MAX: variants seen among roughly 807,000 people sequenced by gnomAD.
MAX encodes protein max.
MAX carries 3 observed loss-of-function variants against 22.3 expected under a neutral mutation model. That is an observed-to-expected ratio of 0.13 (90% CI 0.06 to 0.35). MAX has a LOEUF of 0.35. Among genes scored for constraint, MAX ranks in the 10% least tolerant of loss-of-function variants. MAX has a pLI of 1.00. For synonymous variants in MAX, 72 were observed against 77.7 expected, an observed-to-expected ratio of 0.93 and a Z score of 0.39; for missense variants, 119 against 209.4, an observed-to-expected ratio of 0.57 and a Z score of 2.66.
rs140913001 is a variant in MAX, at chr14:65,086,170, T to C, written c.171+7538A>G. Among the ~76,000 whole-genome samples, 6 of 152,328 alleles carry C rather than the reference T, an allele frequency of 3.9e-5. No individual in the cohort carries two copies. The East Asian group carries it at 1.2e-3, about 29-fold the overall frequency. On this transcript the variant is annotated intron_variant, in intron 3 of 4. Transcript: ENST00000358664. The stretch of plus-strand genomic sequence containing the variant: ...TGATTGTGAGGCCTCCCCAGCCATA[T>C]GTAACTGTAAGTCATTAAACCTCTT...
intron 3 of MAX, among the ~76,000 whole-genome samples, chr14:65,065,331 A>T (rs977016125): frequency 6.6e-6 from 1 of 152,196 alleles, no homozygotes; most frequent in African/African-American, 2.4e-5. Flanking sequence ...ATATGAGACA[A>T]TGTGAGTTGG....
intron 3 of MAX, among the ~76,000 whole-genome samples, chr14:65,021,389 G>T (rs2139550440): frequency 6.6e-6 from 1 of 152,262 alleles, no homozygotes; most frequent in East Asian, 1.9e-4. Context: ...TCAAAAGGTT[G>T]TTAGTAGCTT....
At chr14:65,092,193 C>A (rs1435307098) in intron 3 of MAX, among the ~76,000 whole-genome samples, 2 of 152,180 alleles carry the variant, frequency 1.3e-5, no homozygotes, top group Non-Finnish European at 2.9e-5. Flanking sequence ...GCCTAAGAAT[C>A]ATCTGACTGC....
At chr14:65,065,385 T>C (rs772717137) in intron 3 of MAX, among the ~76,000 whole-genome samples, 3 of 152,190 alleles carry the variant, frequency 2.0e-5, no homozygotes, top group Non-Finnish European at 4.4e-5. Context: ...TACAGTCATG[T>C]CACTTAATGA....
rs906451405 is a variant in MAX at position 65,023,439 on chromosome 14, A to T, written c.172-17155T>A. 6.6e-6 allele frequency among the ~76,000 whole-genome samples: 1 copy of T among 152,182 alleles called. No homozygotes were observed. Among genetic ancestry groups the T allele is most frequent in the Non-Finnish European group, 1.5e-5 (1 of 68,040 alleles). On this transcript the variant is annotated intron_variant, in intron 3 of 3. Transcript: ENST00000341653. The surrounding 1 kb of genome is among the most constrained non-coding windows in gnomAD (Gnocchi z 4.1). ...TTATAAGGCTGAGAGGCAATCGCTG[A>T]TATCCCTGCTTTGAACTTGACCCTC...
chr14:65,025,501 C>T (rs2061962478), intron 3 of MAX, among the ~76,000 whole-genome samples: 2 of 152,286 alleles, frequency 1.3e-5, no homozygotes, highest in South Asian at 4.1e-4. Context: ...AAGTTCTCTA[C>T]AGAAATTAAT....
chr14:65,054,080 C>G lies in MAX; in HGVS notation c.171+39628G>C, dbSNP rs774209512. ...AAGAAAAAAAATACAGTTCCCACTG[C>G]TGGGCAGGGCTGGAGGATGGGGCTT... On this transcript the variant is annotated intron_variant, in intron 3 of 3. Transcript: ENST00000341653. This position sits in a 1 kb window ranked among gnomAD's most constrained non-coding sequence, Gnocchi z 4.4. Among the ~76,000 whole-genome samples the G allele has an allele frequency of 2.8e-4, 42 of 152,258 alleles. 1 individual carries two copies. The highest frequency in any genetic ancestry group is 3.4e-3 in the Middle Eastern group (1 of 294).
In MAX at chr14:65,054,461, T is replaced by G; in HGVS notation, c.171+39247A>C. 4 of 1,062,984 alleles carry G rather than the reference T, an allele frequency of 3.8e-6. No individual in the cohort carries two copies. Among genetic ancestry groups the G allele is most frequent in the Non-Finnish European group, 5.5e-6 (4 of 733,932 alleles). The allele number at this position is 1,062,984 out of a possible 1,614,324, so 65.8% of individuals were successfully genotyped here. A position where few individuals can be genotyped will look rare whatever the true frequency, so the allele number is the denominator to read the frequency against. On this transcript the variant is annotated intron_variant, in intron 3 of 3. Transcript: ENST00000341653. This position sits in a 1 kb window ranked among gnomAD's most constrained non-coding sequence, Gnocchi z 4.4. The stretch of plus-strand genomic sequence containing the variant: ...GAAAACCATGCCTCCTCTAGCCACA[T>G]GGAGGATGGGGGGGGACGTGTGATT...
At chr14:65,037,655 G>C (rs1331532915) in intron 3 of MAX, among the ~76,000 whole-genome samples, 1 of 149,460 alleles carries the variant, frequency 6.7e-6, no homozygotes, top group African/African-American at 2.4e-5. Context: ...AAACTCCTGG[G>C]CTGACGTAAT....
chr14:65,035,701 TA>T (rs374521318), intron 3 of MAX, among the ~76,000 whole-genome samples: 17 of 150,400 alleles, frequency 1.1e-4, no homozygotes, highest in East Asian at 3.9e-4. Flanking sequence ...AGCTAATGTT[TA>T]AAAAAAAAAT....
At position 65,076,667 on chromosome 14, in the gene MAX, A is replaced by C; in HGVS notation, c.296-4T>G. The C allele has an allele frequency of 6.2e-7, 1 of 1,614,182 alleles. No individual in the cohort carries two copies. The highest frequency in any genetic ancestry group is 1.1e-5 in the South Asian group (1 of 91,088). On this transcript the variant is annotated splice_polypyrimidine_tract_variant and splice_region_variant and intron_variant, in intron 4 of 4. Coordinates refer to ENST00000358664, the MANE Select transcript of MAX (RefSeq NM_002382.5). The surrounding 1 kb of genome is among the most constrained non-coding windows in gnomAD (Gnocchi z 6.6). ...CTCGCCTTCTCCAGTGCACGGACTA[A>C]AAGGCAACCAAGGGAGTGTGTTACT...
chr14:65,028,831 C>G lies in MAX; in HGVS notation c.172-22547G>C, dbSNP rs1288748030. ...TAAAAGAGTTTTTTTCCCTCGTGTT[C>G]ACTACATTTTCGTTCCTGTTCTGTT... On this transcript the variant is annotated intron_variant, in intron 3 of 3. Transcript: ENST00000341653. This position sits in a 1 kb window ranked among gnomAD's most constrained non-coding sequence, Gnocchi z 4.4. 2.0e-5 allele frequency among the ~76,000 whole-genome samples: 3 copies of G among 152,148 alleles called. No homozygotes were observed. Among genetic ancestry groups the G allele is most frequent in the African/African-American group, 7.2e-5 (3 of 41,452 alleles).
downstream of MAX, among the ~76,000 whole-genome samples, chr14:65,070,910 C>T (rs183561301): frequency 3.3e-5 from 5 of 152,212 alleles, no homozygotes; most frequent in East Asian, 1.9e-4. This position sits in a 1 kb window ranked among gnomAD's most constrained non-coding sequence, Gnocchi z 4.4. Flanking sequence ...AGGGCAAAGT[C>T]GCCAGTATGT....
At chr14:65,025,112 C>T (rs925908418) in intron 3 of MAX, among the ~76,000 whole-genome samples, 1 of 152,064 alleles carries the variant, frequency 6.6e-6, no homozygotes, top group African/African-American at 2.4e-5. Context: ...CAAGAGAAGC[C>T]CAACCTCCAG....
In MAX at chr14:65,076,357, AG is replaced by A. The variant is rs1451012208; in HGVS notation, c.*118del. 6.4e-7 allele frequency: 1 copy of A among 1,550,490 alleles called. No individual in the cohort carries two copies. Among genetic ancestry groups the A allele is most frequent in the African/African-American group, 1.4e-5 (1 of 71,920 alleles). On this transcript the variant is annotated 3_prime_UTR_variant, in exon 5 of 5. Transcript: ENST00000358664. The surrounding 1 kb of genome is among the most constrained non-coding windows in gnomAD (Gnocchi z 6.6). Reference sequence around the variant, plus strand: ...GTAAAAATAAAAATTTAAAAAAAAAAGGGAGAAAGAGAAAAATAAAGAGTCT... The same window carrying A: ...GTAAAAATAAAAATTTAAAAAAAAAAGGAGAAAGAGAAAAATAAAGAGTCT...
chr14:65,073,700 G>C (rs1256808942), downstream of MAX, among the ~76,000 whole-genome samples: 1 of 152,200 alleles, frequency 6.6e-6, no homozygotes. Context: ...TCGCTTCCTA[G>C]ACACACATAC....
In MAX at chr14:65,075,745, G is replaced by A; in HGVS notation, c.*731C>T. 1 of 1,066,364 alleles carries A rather than the reference G, an allele frequency of 9.4e-7. No homozygotes were observed. The highest frequency in any genetic ancestry group is 1.6e-5 in the African/African-American group (1 of 61,212). 66.1% of individuals were successfully genotyped at this position (1,066,364 alleles called of 1,614,324 possible). On this transcript the variant is annotated 3_prime_UTR_variant, in exon 5 of 5. Transcript: ENST00000358664. The surrounding 1 kb of genome is among the most constrained non-coding windows in gnomAD (Gnocchi z 4.1). ...AAATGGCCACTCCCTGGTGGCTGCT[G>A]CTTCACTGCTGCCATCTCCCATACA...
chr14:65,088,810 T>C lies in MAX; in HGVS notation c.171+4898A>G, dbSNP rs369482723. ...GTCATTTAATAATCACACAAATATATATAAAACCTCATATATTAAGTATAA... is the reference window on the plus strand; with the variant it reads ...GTCATTTAATAATCACACAAATATACATAAAACCTCATATATTAAGTATAA... On this transcript the variant is annotated intron_variant, in intron 3 of 4. Coordinates refer to ENST00000358664, the MANE Select transcript of MAX (RefSeq NM_002382.5). The surrounding 1 kb of genome is among the most constrained non-coding windows in gnomAD (Gnocchi z 5.2). Among the ~76,000 whole-genome samples the C allele has an allele frequency of 2.0e-5, 3 of 152,178 alleles. No individual in the cohort carries two copies. The highest frequency in any genetic ancestry group is 6.5e-5 in the Admixed American group (1 of 15,284).
rs908323739 is a variant in MAX, at chr14:65,076,681, G to A, written c.296-18C>T. ...TGCACGGACTAAAAGGCAACCAAGG[G>A]AGTGTGTTACTGCCTTCTGGAGACT... On this transcript the variant is annotated intron_variant, in intron 4 of 4. Transcript: ENST00000358664. The surrounding 1 kb of genome is among the most constrained non-coding windows in gnomAD (Gnocchi z 6.6). 4 of 1,614,032 alleles carry A rather than the reference G, an allele frequency of 2.5e-6. No individual in the cohort carries two copies. In the African/African-American group the frequency reaches 5.3e-5, roughly 22 times the overall value.
Sources: gnomAD v4.1 joint callset for allele counts (sites outside exome capture counted in the v4.1 genomes callset) on GRCh38, gnomAD v4.1.1 for gene constraint, Gnocchi (gnomAD v3.1) non-coding constraint, MANE v1.5 for transcripts, NCBI Gene and HGNC (gene_info 2026-07-23, HGNC 2026-07-21) for gene names.